Variants in RAB11FIP3 observed in about 807,000 individuals in gnomAD.
RAB11FIP3 encodes the protein RAB11 family interacting protein 3, also known as rab11 family-interacting protein 3.
In RAB11FIP3, 17 loss-of-function variants were observed where a neutral mutation model predicts 77.8. That is an observed-to-expected ratio of 0.22 (90% CI 0.15 to 0.33). The LOEUF (loss-of-function observed/expected upper bound fraction) is 0.33, where lower values mean the gene tolerates loss of function less well. Among genes scored for constraint, RAB11FIP3 ranks in the 10% least tolerant of loss-of-function variants. RAB11FIP3 has a pLI of 1.00. For missense variants in RAB11FIP3, 1,005 were observed against 1,011.2 expected, an observed-to-expected ratio of 0.99 and a Z score of 0.08; for synonymous variants, 437 against 448.2, an observed-to-expected ratio of 0.98 and a Z score of 0.31.
At chr16:445,175 G>A (rs1187736639) in intron 1 of RAB11FIP3, among the ~76,000 whole-genome samples, 1 of 145,292 alleles carries the variant, frequency 6.9e-6, no homozygotes, top group Admixed American at 7.1e-5. Flanking sequence ...GCTCACACAT[G>A]TAATCCAAGC....
rs746073843 is a variant in RAB11FIP3 at position 498,305 on chromosome 16, C to G, written c.1301+1446C>G. On this transcript the variant is annotated intron_variant, in intron 6 of 13. Coordinates refer to ENST00000262305, the MANE Select transcript of RAB11FIP3 (RefSeq NM_014700.4). The stretch of plus-strand genomic sequence containing the variant: ...CCTCCCACCTCCTCCTCCTGAGGAC[C>G]TGGGACTACAGGTGCGCATTGCCAA... Among the ~76,000 whole-genome samples, 8 of 152,076 alleles carry G rather than the reference C, an allele frequency of 5.3e-5. 1 individual carries two copies. In the South Asian group the frequency reaches 1.7e-3, roughly 31 times the overall value.
chr16:432,376 G>A (rs73494357), intron 1 of RAB11FIP3, among the ~76,000 whole-genome samples: 13,986 of 151,688 alleles, frequency 0.092, 782 homozygotes, highest in East Asian at 0.2. Context: ...AAACTGTCTC[G>A]AAAAACTAAA....
rs1414771455 is a variant in RAB11FIP3, at chr16:507,390, C to A, written c.1499+1763C>A. On this transcript the variant is annotated intron_variant, in intron 8 of 13. Coordinates refer to ENST00000262305, the MANE Select transcript of RAB11FIP3 (RefSeq NM_014700.4). The surrounding 1 kb of genome is among the most constrained non-coding windows in gnomAD (Gnocchi z 4.6). ...CCTCCCAAAATGCTGGGATTACAGGCGTGAGCCACCGTGCCCGGCCTAGTT... is the reference window on the plus strand; with the variant it reads ...CCTCCCAAAATGCTGGGATTACAGGAGTGAGCCACCGTGCCCGGCCTAGTT... Among the ~76,000 whole-genome samples, 1 of 152,178 alleles carries A rather than the reference C, an allele frequency of 6.6e-6. No homozygotes were observed. The highest frequency in any genetic ancestry group is 1.5e-5 in the Non-Finnish European group (1 of 68,030).
intron 6 of RAB11FIP3, chr16:497,181 C>A: frequency 1.0e-6 from 1 of 983,356 alleles, no homozygotes; most frequent in Non-Finnish European, 1.4e-6. Flanking sequence ...TAGCGAGACC[C>A]AGTGAGGAGC....
intron 5 of RAB11FIP3, among the ~76,000 whole-genome samples, chr16:495,707 C>T (rs2031064414): frequency 6.6e-6 from 1 of 152,190 alleles, no homozygotes; most frequent in African/African-American, 2.4e-5. Flanking sequence ...AGCTGAGGGG[C>T]TCTACGTTAA....
intron 1 of RAB11FIP3, among the ~76,000 whole-genome samples, chr16:433,342 A>G (rs1272746059): frequency 1.4e-5 from 2 of 147,560 alleles, no homozygotes; most frequent in South Asian, 2.2e-4. Context: ...ATTTCTAACC[A>G]TTAACCGTGC....
intron 1 of RAB11FIP3, among the ~76,000 whole-genome samples, chr16:460,060 A>G (rs985538433): frequency 1.3e-5 from 2 of 151,934 alleles, no homozygotes; most frequent in African/African-American, 4.8e-5. Context: ...TATTTTTAGT[A>G]GAGATGGGGT....
In RAB11FIP3 at chr16:447,269, C is replaced by T. The variant is rs554677110; in HGVS notation, c.715-14135C>T. 5.9e-5 allele frequency among the ~76,000 whole-genome samples: 9 copies of T among 152,152 alleles called. No homozygotes were observed. In the South Asian group the frequency reaches 1.5e-3, roughly 25 times the overall value. On this transcript the variant is annotated intron_variant, in intron 1 of 13. Transcript: ENST00000262305. ...TCAGTGAGCTATGATTGTGCCAGTG[C>T]ACTCTAGCCTGGGCAGTAGAGTAAG...
intron 2 of RAB11FIP3, among the ~76,000 whole-genome samples, chr16:465,401 C>T (rs1271007507): frequency 3.3e-5 from 5 of 152,032 alleles, no homozygotes; most frequent in Non-Finnish European, 7.4e-5. Context: ...AGTAACAAGC[C>T]ATATTTTACA....
At chr16:427,050 G>C (rs1041700176) in intron 1 of RAB11FIP3, among the ~76,000 whole-genome samples, 2 of 151,970 alleles carry the variant, frequency 1.3e-5, no homozygotes, top group African/African-American at 2.4e-5. Flanking sequence ...CCCCCAGGGT[G>C]CCTGATCGAC....
chr16:506,305 TCCCAGGAGTCAGCTA>T lies in RAB11FIP3; in HGVS notation c.1499+685_1499+699del, dbSNP rs919966412. Reference sequence around the variant, plus strand: ...TCCGGTGCAAAGTAAGATGAGCTTGTCCCAGGAGTCAGCTACCCAGGCTATGACACCTGTAGCTGG... The same window carrying T: ...TCCGGTGCAAAGTAAGATGAGCTTGTCCCAGGCTATGACACCTGTAGCTGG... On this transcript the variant is annotated intron_variant, in intron 8 of 13. Coordinates refer to ENST00000262305, the MANE Select transcript of RAB11FIP3 (RefSeq NM_014700.4). The surrounding 1 kb of genome is among the most constrained non-coding windows in gnomAD (Gnocchi z 4.5). 5.3e-5 allele frequency among the ~76,000 whole-genome samples: 8 copies of T among 152,116 alleles called. No homozygotes were observed. Among genetic ancestry groups the T allele is most frequent in the Non-Finnish European group, 1.0e-4 (7 of 68,020 alleles).
Position 500,278 on chromosome 16 carries a change from A to G in RAB11FIP3, c.1302-2726A>G, listed in dbSNP as rs1540330. On this transcript the variant is annotated intron_variant, in intron 6 of 13. Transcript: ENST00000262305. ...CTTGCTCACCAGCCAGGCTCGACCT[A>G]CTGCCCTGTGGGGCAGGTCAGGCTT... Among the ~76,000 whole-genome samples, 355 of 152,314 alleles carry G rather than the reference A, an allele frequency of 2.3e-3. 6 individuals carry two copies. Among genetic ancestry groups the G allele is most frequent in the African/African-American group, 8.2e-3 (341 of 41,580 alleles).
At chr16:476,915 C>G (rs911272991) in intron 3 of RAB11FIP3, among the ~76,000 whole-genome samples, 1 of 151,964 alleles carries the variant, frequency 6.6e-6, no homozygotes, top group Non-Finnish European at 1.5e-5. Flanking sequence ...ACGGTGAAAC[C>G]CTGTCTCTAC....
chr16:475,840 G>A (rs1469627565), intron 3 of RAB11FIP3, among the ~76,000 whole-genome samples: 5 of 152,160 alleles, frequency 3.3e-5, no homozygotes, highest in Admixed American at 3.3e-4. Flanking sequence ...GGGAGGCCCG[G>A]CTTACTTTAT....
intron 4 of RAB11FIP3, 23 bp from the exon 5 acceptor site, chr16:488,828 A>G (rs780039886): frequency 3.1e-6 from 5 of 1,609,812 alleles, no homozygotes; most frequent in Non-Finnish European, 4.2e-6. Flanking sequence ...GTCAGAAGAC[A>G]TCATTTCTGT....
chr16:497,140 C>A, intron 6 of RAB11FIP3: 1 of 669,028 alleles, frequency 1.5e-6, no homozygotes, highest in Non-Finnish European at 2.3e-6. Flanking sequence ...GGCCGCCATC[C>A]CCAGATGTCT....
At chr16:474,882 C>A in intron 3 of RAB11FIP3, 2 of 1,478,296 alleles carry the variant, frequency 1.4e-6, no homozygotes, top group Non-Finnish European at 1.8e-6. Flanking sequence ...GTTAAACTTT[C>A]TCCTAGGTGG....
intron 1 of RAB11FIP3, among the ~76,000 whole-genome samples, chr16:452,166 A>G (rs1240023718): frequency 6.6e-6 from 1 of 151,394 alleles, no homozygotes; most frequent in Non-Finnish European, 1.5e-5. Flanking sequence ...TAAAAAGGAA[A>G]CAAACAAACA....
chr16:438,411 T>C (rs2055167180), intron 1 of RAB11FIP3, among the ~76,000 whole-genome samples: 1 of 146,100 alleles, frequency 6.8e-6, no homozygotes, highest in African/African-American at 2.6e-5. Flanking sequence ...CGGCTTTTTT[T>C]TTTTTTTTTT....
Sources: allele counts gnomAD v4.1 joint callset (sites outside exome capture counted in the v4.1 genomes callset), GRCh38; gene constraint gnomAD v4.1.1; non-coding constraint Gnocchi (gnomAD v3.1); transcripts MANE v1.5; gene names NCBI Gene and HGNC (gene_info 2026-07-23, HGNC 2026-07-21).